The following CNTNAP5 variants were observed in gnomAD, a reference collection of about 807,000 sequenced individuals.
CNTNAP5 encodes contactin-associated protein-like 5.
Under a neutral mutation model 150.2 loss-of-function variants are expected in CNTNAP5, and 72 were observed. The observed-to-expected ratio is 0.48, with a 90% CI of 0.40 to 0.58. CNTNAP5 has a LOEUF of 0.58. CNTNAP5 is among the 20% of genes least tolerant of loss of function. The probability of loss-of-function intolerance (pLI) is 0.00; values close to 1 mark genes in which losing one functional copy is unlikely to be tolerated. For synonymous variants in CNTNAP5, 672 were observed against 619.8 expected, an observed-to-expected ratio of 1.08 and a Z score of -1.25; for missense variants, 1,636 against 1,626.2, an observed-to-expected ratio of 1.01 and a Z score of -0.10.
intron 7 of CNTNAP5, among the ~76,000 whole-genome samples, chr2:124,503,669 C>G (rs556847071): frequency 6.6e-6 from 1 of 152,206 alleles, no homozygotes; most frequent in Non-Finnish European, 1.5e-5. Flanking sequence ...AGCTCTGCCT[C>G]TCTTCACCTT....
intron 3 of CNTNAP5, among the ~76,000 whole-genome samples, chr2:124,365,686 T>A (rs1041867331): frequency 5.3e-5 from 8 of 152,200 alleles, no homozygotes; most frequent in Non-Finnish European, 1.0e-4. Flanking sequence ...GGAAAGTTCT[T>A]CCTACTTTGT....
chr2:124,373,762 A>T (rs76592867), intron 3 of CNTNAP5, among the ~76,000 whole-genome samples: 7,475 of 152,114 alleles, frequency 0.049, 226 homozygotes, highest in Non-Finnish European at 0.069. Flanking sequence ...GTACACAAAA[A>T]TTTCTGTATG....
At chr2:124,438,626 C>T (rs943984303) in intron 5 of CNTNAP5, among the ~76,000 whole-genome samples, 13 of 152,124 alleles carry the variant, frequency 8.5e-5, no homozygotes, top group African/African-American at 3.1e-4. Flanking sequence ...TAATCAACCA[C>T]TGAGATGCCA....
chr2:124,758,793 G>T (rs1035293275), intron 14 of CNTNAP5, among the ~76,000 whole-genome samples: 1 of 152,072 alleles, frequency 6.6e-6, no homozygotes, highest in African/African-American at 2.4e-5. Flanking sequence ...GAGCTTAATT[G>T]AAGGAGAAAG....
intron 17 of CNTNAP5, among the ~76,000 whole-genome samples, chr2:124,786,357 A>AAGAG (rs1404750008): frequency 1.8e-4 from 8 of 45,652 alleles, no homozygotes; most frequent in African/African-American, 8.6e-4. Flanking sequence ...GAAAGGAAGA[A>AAGAG]AGAAAGAAAG....
At chr2:124,161,675 T>C (rs919034180) in intron 1 of CNTNAP5, among the ~76,000 whole-genome samples, 2 of 152,134 alleles carry the variant, frequency 1.3e-5, no homozygotes, top group Non-Finnish European at 2.9e-5. Context: ...TTTTGAAAGA[T>C]GATAATCTCT....
At chr2:124,790,980 C>G (rs912751989) in intron 18 of CNTNAP5, among the ~76,000 whole-genome samples, 5 of 152,230 alleles carry the variant, frequency 3.3e-5, no homozygotes, top group Admixed American at 3.3e-4. Flanking sequence ...AAAGTTTGTT[C>G]AGTAAATAAT....
chr2:124,425,729 G>C (rs1014553635), intron 4 of CNTNAP5, among the ~76,000 whole-genome samples: 2 of 152,092 alleles, frequency 1.3e-5, no homozygotes, highest in African/African-American at 2.4e-5. Flanking sequence ...ATGCTTCCCT[G>C]TACCGCATCT....
intron 3 of CNTNAP5, among the ~76,000 whole-genome samples, chr2:124,369,736 T>C (rs180993503): frequency 3.5e-4 from 53 of 152,310 alleles, no homozygotes; most frequent in African/African-American, 1.3e-3. Context: ...ATGGTATGTA[T>C]GCATATGTCA....
At chr2:124,808,773 C>T (rs1400997113) in intron 19 of CNTNAP5, among the ~76,000 whole-genome samples, 1 of 151,990 alleles carries the variant, frequency 6.6e-6, no homozygotes, top group Admixed American at 6.6e-5. Context: ...AACAGTTTTC[C>T]TGTTCAGGCT....
intron 19 of CNTNAP5, among the ~76,000 whole-genome samples, chr2:124,829,693 A>G (rs899446430): frequency 6.6e-6 from 1 of 151,866 alleles, no homozygotes; most frequent in East Asian, 1.9e-4. Flanking sequence ...TTTAGTATCC[A>G]TATTTATTAT....
At chr2:124,620,650 G>GT (rs988382332) in intron 12 of CNTNAP5, among the ~76,000 whole-genome samples, 6 of 151,106 alleles carry the variant, frequency 4.0e-5, no homozygotes, top group African/African-American at 1.2e-4. Flanking sequence ...CTAGATCTTG[G>GT]TTTTTTTATC....
intron 13 of CNTNAP5, among the ~76,000 whole-genome samples, chr2:124,659,488 A>G (rs1678538255): frequency 6.6e-6 from 1 of 152,262 alleles, no homozygotes; most frequent in Non-Finnish European, 1.5e-5. Flanking sequence ...TTTTTGGAGT[A>G]GCCATCATCA....
chr2:124,798,370 G>A (rs779073191), intron 19 of CNTNAP5, 50 bp downstream of exon 19: 10 of 1,306,678 alleles, frequency 7.7e-6, no homozygotes, highest in South Asian at 7.1e-5. Flanking sequence ...GGGCTGGAGG[G>A]ACGGTGCATG....
chr2:124,773,058 A>T, intron 17 of CNTNAP5, 41 bp downstream of exon 17: 1 of 1,516,094 alleles, frequency 6.6e-7, no homozygotes, highest in Admixed American at 1.7e-5. Context: ...TAAACCCTGC[A>T]AGATCACTGT....
chr2:124,790,020 C>A lies in CNTNAP5; in HGVS notation c.2871C>A (p.Cys957Ter), dbSNP rs1293316136. The A allele has an allele frequency of 6.2e-7, 1 of 1,613,808 alleles. No individual in the cohort carries two copies. The highest frequency in any genetic ancestry group is 8.5e-7 in the Non-Finnish European group (1 of 1,179,846). ...AKVTSGVRPGCPGHCSSYGSI... is the reference protein window; with the variant it reads ...AKVTSGVRPG ...TCACATCTGGAGTCAGGCCAGGCTG[C>A]CCCGGCCACTGCAGCAGCTACGGCA... is the stretch of plus-strand genomic sequence containing the variant. The change falls in exon 18 of 24, where the codon TGC (cysteine) becomes TGA (stop). Residue 957 changes from cysteine to a stop codon, truncating the protein, a stop_gained. Coordinates refer to ENST00000682447, the MANE Select transcript of CNTNAP5 (RefSeq NM_001367498.1). LOFTEE classifies it high-confidence loss of function.
chr2:124,271,479 G>C (rs1242253804), intron 3 of CNTNAP5, among the ~76,000 whole-genome samples: 1 of 152,124 alleles, frequency 6.6e-6, no homozygotes, highest in Non-Finnish European at 1.5e-5. Context: ...GTAACAGGAT[G>C]AATGTGTGGT....
intron 19 of CNTNAP5, among the ~76,000 whole-genome samples, chr2:124,838,090 ATG>A (rs1410473960): frequency 6.6e-6 from 1 of 152,154 alleles, no homozygotes; most frequent in African/African-American, 2.4e-5. Flanking sequence ...TCTTTGTAGA[ATG>A]TCTGCAAATG....
intron 8 of CNTNAP5, among the ~76,000 whole-genome samples, chr2:124,518,521 T>C (rs1376696048): frequency 1.3e-5 from 2 of 152,166 alleles, no homozygotes; most frequent in African/African-American, 4.8e-5. Flanking sequence ...TGGAAGTTCC[T>C]CAAAGGGTTA....
Sources: gnomAD v4.1 joint callset for allele counts (sites outside exome capture counted in the v4.1 genomes callset) on GRCh38, gnomAD v4.1.1 for gene constraint, MANE v1.5 for transcripts, NCBI Gene and HGNC (gene_info 2026-07-23, HGNC 2026-07-21) for gene names.